Variants in COL13A1 observed in about 807,000 individuals in gnomAD.
COL13A1 encodes the protein collagen type XIII alpha 1 chain, also known as collagen alpha-1(XIII) chain.
COL13A1 carries 89 observed loss-of-function variants against 130.9 expected under a neutral mutation model. That is an observed-to-expected ratio of 0.68 (90% confidence interval 0.57 to 0.81). The LOEUF is 0.81. Ranked by LOEUF, COL13A1 falls within the 30% of genes least tolerant of loss-of-function variation. The probability of loss-of-function intolerance (pLI) is 0.00; values close to 1 mark genes in which losing one functional copy is unlikely to be tolerated. For synonymous variants in COL13A1, 402 were observed against 341.6 expected (o/e 1.18, Z -1.95); for missense variants, 879 against 934.6 (o/e 0.94, Z 0.78).
chr10:69,809,158 CTG>C (rs1016873992), intron 1 of COL13A1, among the ~76,000 whole-genome samples: 2 of 152,190 alleles, frequency 1.3e-5, no homozygotes, highest in Non-Finnish European at 1.5e-5. Context: ...CTGCCACTAA[CTG>C]TGTGACCTGA....
At chr10:69,905,032 G>GA (rs2135207951) in intron 16 of COL13A1, 73 bp downstream of exon 16, 1 of 1,506,640 alleles carries the variant, frequency 6.6e-7, no homozygotes, top group Non-Finnish European at 9.0e-7. Context: ...AGGCAGCACA[G>GA]AAGGTGACTG....
At chr10:69,913,255 C>T (rs1438273200) in intron 17 of COL13A1, among the ~76,000 whole-genome samples, 1 of 152,190 alleles carries the variant, frequency 6.6e-6, no homozygotes, top group Non-Finnish European at 1.5e-5. Context: ...TTGTAAGGCT[C>T]AGAGCACCCA....
intron 2 of COL13A1, among the ~76,000 whole-genome samples, chr10:69,859,215 AT>A (rs929787084): frequency 6.6e-6 from 1 of 152,238 alleles, no homozygotes; most frequent in African/African-American, 2.4e-5. Flanking sequence ...TGGGTTATTA[AT>A]ATTAGGTTGA....
intron 28 of COL13A1, 126 bp from the exon 29 acceptor site, chr10:69,929,917 T>G: frequency 1.3e-6 from 1 of 782,728 alleles, no homozygotes; most frequent in Non-Finnish European, 2.2e-6. Context: ...AGCAACACAG[T>G]TAGAATTAAA....
chr10:69,924,447 A>G (rs1351208809), intron 24 of COL13A1, among the ~76,000 whole-genome samples: 2 of 151,984 alleles, frequency 1.3e-5, no homozygotes, highest in Non-Finnish European at 2.9e-5. Flanking sequence ...CCACTCTGGG[A>G]GGTGGGTGCT....
intron 13 of COL13A1, among the ~76,000 whole-genome samples, chr10:69,895,784 T>C (rs1207156381): frequency 6.6e-6 from 1 of 152,132 alleles, no homozygotes; most frequent in African/African-American, 2.4e-5. Context: ...TCTCCAGCCA[T>C]GTGCTATATG....
intron 2 of COL13A1, among the ~76,000 whole-genome samples, chr10:69,840,484 G>T (rs57914023): frequency 0.13 from 20,276 of 152,168 alleles, 1,441 homozygotes; most frequent in Non-Finnish European, 0.16. Flanking sequence ...GGCTGAGGGG[G>T]GCCCTCTGGA....
chr10:69,889,449 C>A lies in COL13A1; in HGVS notation c.603+9C>A. 2 of 1,611,072 alleles carry A rather than the reference C, an allele frequency of 1.2e-6. No homozygotes were observed. The highest frequency in any genetic ancestry group is 1.7e-6 in the Non-Finnish European group (2 of 1,178,864). On this transcript the variant is annotated intron_variant, in intron 10 of 40. Transcript: ENST00000645393. The stretch of plus-strand genomic sequence containing the variant: ...GACCAAAGGGCGACATGGTAAGAGC[C>A]CAGCTTTCCTGCCTTCCCGAGATGG...
At chr10:69,882,488 C>T (rs996819618) in intron 7 of COL13A1, among the ~76,000 whole-genome samples, 4 of 152,258 alleles carry the variant, frequency 2.6e-5, no homozygotes, top group African/African-American at 7.2e-5. Context: ...GCAATGACAG[C>T]TTCTGTTTCC....
chr10:69,941,085 T>TTTTGTCTG, intron 35 of COL13A1, 62 bp downstream of exon 35: 3 of 1,610,836 alleles, frequency 1.9e-6, no homozygotes, highest in Non-Finnish European at 1.7e-6. Context: ...CTGTGATCCC[T>TTTTGTCTG]TTTGTCTGTC....
chr10:69,802,635 G>A lies in COL13A1; in HGVS notation c.212G>A (p.Arg71Gln), dbSNP rs868148427. Residue 71 changes from arginine (R) to glutamine (Q), a missense_variant, in exon 1 of 41, where the codon CGG becomes CAG. Transcript: ENST00000645393. ...TTTCGGACGGCCGAGCTGCAGGCCC[G>A]GGTGCTGCGCCTGGAAGCGGAGCGC... is the stretch of plus-strand genomic sequence containing the variant. ...AHFRTAELQA[R>Q]VLRLEAERGE... 6.2e-7 allele frequency: 1 copy of A among 1,613,396 alleles called. No individual in the cohort carries two copies. Among genetic ancestry groups the A allele is most frequent in the South Asian group, 1.1e-5 (1 of 91,070 alleles).
chr10:69,925,774 C>G, intron 25 of COL13A1, 30 bp from the exon 26 acceptor site: 2 of 1,557,620 alleles, frequency 1.3e-6, no homozygotes, highest in Non-Finnish European at 1.7e-6. Context: ...CCGGTCCAGG[C>G]CGTGGGTTGA....
At chr10:69,847,551 C>T (rs546658113) in intron 2 of COL13A1, among the ~76,000 whole-genome samples, 2 of 152,320 alleles carry the variant, frequency 1.3e-5, no homozygotes, top group South Asian at 2.1e-4. Flanking sequence ...TGCCTCCAGG[C>T]TTATGACACA....
At chr10:69,832,596 T>C (rs1849082188) in intron 2 of COL13A1, among the ~76,000 whole-genome samples, 1 of 152,050 alleles carries the variant, frequency 6.6e-6, no homozygotes, top group Non-Finnish European at 1.5e-5. Flanking sequence ...AGGTAGACCT[T>C]GTTGAGTGCT....
intron 23 of COL13A1, among the ~76,000 whole-genome samples, chr10:69,923,133 T>C (rs2064901696): frequency 6.6e-6 from 1 of 152,210 alleles, no homozygotes; most frequent in Non-Finnish European, 1.5e-5. Flanking sequence ...CTGCAGGACC[T>C]TGATGGCCAT....
chr10:69,834,754 G>T (rs910635560), intron 2 of COL13A1, among the ~76,000 whole-genome samples: 76 of 152,162 alleles, frequency 5.0e-4, no homozygotes, highest in African/African-American at 1.7e-3. Flanking sequence ...GAGAGGAAGG[G>T]TCAAAGTTCT....
chr10:69,935,484 T>C (rs2066710134), intron 32 of COL13A1, 93 bp downstream of exon 32: 4 of 943,032 alleles, frequency 4.2e-6, no homozygotes, highest in Non-Finnish European at 3.1e-6. Flanking sequence ...CACTATCACC[T>C]CTTCCTCCCA....
At chr10:69,908,124 C>G (rs1355310055) in intron 17 of COL13A1, among the ~76,000 whole-genome samples, 2 of 152,192 alleles carry the variant, frequency 1.3e-5, no homozygotes, top group South Asian at 2.1e-4. Context: ...GCTGCTAGAG[C>G]CTTCCAGGAG....
intron 38 of COL13A1, among the ~76,000 whole-genome samples, chr10:69,951,536 T>A (rs1428996974): frequency 6.6e-6 from 1 of 152,076 alleles, no homozygotes; most frequent in African/African-American, 2.4e-5. Flanking sequence ...GACTAATTTT[T>A]TTATTCTTTG....
Sources: allele counts gnomAD v4.1 joint callset (sites outside exome capture counted in the v4.1 genomes callset), GRCh38; gene constraint gnomAD v4.1.1; transcripts MANE v1.5; gene names NCBI Gene and HGNC (gene_info 2026-07-23, HGNC 2026-07-21).